The following OSGIN2 variants were observed in gnomAD, a reference collection of about 807,000 sequenced individuals.
OSGIN2 encodes oxidative stress-induced growth inhibitor 2.
Under a neutral mutation model 53.8 loss-of-function variants are expected in OSGIN2, and 19 were observed. The ratio of observed to expected loss-of-function variants is 0.35; its 90% CI spans 0.25 to 0.52. OSGIN2 has a LOEUF of 0.52. Ranked by LOEUF, OSGIN2 falls within the 20% of genes least tolerant of loss-of-function variation. The pLI, the probability that OSGIN2 is intolerant of heterozygous loss-of-function variation, is 0.95. For missense variants in OSGIN2, 520 were observed against 662.7 expected (o/e 0.78, Z 2.36); for synonymous variants, 236 against 236.0 (o/e 1.00, Z 0.00).
rs755041057 is a variant in OSGIN2, at chr8:89,909,632, A to G, written c.110A>G (p.Asn37Ser). The G allele has an allele frequency of 2.5e-6, 4 of 1,610,868 alleles. No individual in the cohort carries two copies. Among genetic ancestry groups the G allele is most frequent in the East Asian group, 2.2e-5 (1 of 44,772 alleles). ...TCCTTAGTGCAATACTTTGGTGACA[A>G]CTTGGGGCGAAAAGTTAAAGCGATG... Reference protein sequence around the residue: ...FNSLVQYFGDNLGRKVKAMPL... With the variant: ...FNSLVQYFGDSLGRKVKAMPL... Residue 37 changes from asparagine (N) to serine (S), a missense_variant, in exon 2 of 6, where the codon AAC becomes AGC. By Grantham distance (46) the Asn-to-Ser change is conservative. Transcript: ENST00000451899.
At position 89,922,927 on chromosome 8, in the gene OSGIN2, G is replaced by C. The variant is rs150353844; in HGVS notation, c.621-1576G>C. Reference sequence around the variant, plus strand: ...TACTATAGGCAGTTGTAACACAATTGTAAGTATTTTTGTATCTAAATATAC... The same window carrying C: ...TACTATAGGCAGTTGTAACACAATTCTAAGTATTTTTGTATCTAAATATAC... On this transcript the variant is annotated intron_variant, in intron 5 of 5. Coordinates refer to ENST00000451899, the MANE Select transcript of OSGIN2 (RefSeq NM_001126111.3). Among the ~76,000 whole-genome samples the C allele has an allele frequency of 1.6e-4, 25 of 152,184 alleles. 1 individual carries two copies. The highest frequency in any genetic ancestry group is 6.2e-4 in the South Asian group (3 of 4,826).
chr8:89,914,311 A>G (rs1809033551), intron 3 of OSGIN2, 98 bp downstream of exon 3: 19 of 795,404 alleles, frequency 2.4e-5, no homozygotes. Context: ...CCCTTATTCT[A>G]AATAACACCT....
rs1020826939 is a variant in OSGIN2, at chr8:89,914,098, G to A, written c.221G>A (p.Cys74Tyr). ...ATAGGAAATGGACCCTCAGGAATAT[G>A]CCTTTCTTATATGTTATCAGGCTAC... is the stretch of plus-strand genomic sequence containing the variant. ...VIIGNGPSGICLSYMLSGYRP... is the reference protein window; with the variant it reads ...VIIGNGPSGIYLSYMLSGYRP... Residue 74 changes from cysteine (C) to tyrosine (Y), a missense_variant, in exon 3 of 6, where the codon TGC (cysteine) becomes TAC (tyrosine). Cys to Tyr is a radical substitution (Grantham distance 194). Around this residue, in one of 3 missense-constraint regions of OSGIN2, gnomAD observed 203 missense variants for 275.3 expected, o/e 0.74. Coordinates refer to ENST00000451899, the MANE Select transcript of OSGIN2 (RefSeq NM_001126111.3). 6.2e-7 allele frequency: 1 copy of A among 1,611,118 alleles called. No homozygotes were observed. Among genetic ancestry groups the A allele is most frequent in the African/African-American group, 1.3e-5 (1 of 74,884 alleles).
At chr8:89,910,798 C>T (rs75668032) in intron 2 of OSGIN2, among the ~76,000 whole-genome samples, 10,777 of 152,294 alleles carry the variant, frequency 0.071, 488 homozygotes, top group Middle Eastern at 0.11. Flanking sequence ...CACTCCACTT[C>T]CCACAAAGCA....
At position 89,925,602 on chromosome 8, in the gene OSGIN2, C is replaced by T; in HGVS notation, c.*70C>T. ...TTTTTAATAGTGGTTTTGCAGTGTA[C>T]TGGCTTGAATTTTCTGGACTTGAGT... On this transcript the variant is annotated 3_prime_UTR_variant, in exon 6 of 6. Transcript: ENST00000451899. The T allele has an allele frequency of 8.1e-7, 1 of 1,241,566 alleles. No homozygotes were observed. The highest frequency in any genetic ancestry group is 1.1e-6 in the Non-Finnish European group (1 of 900,678). 76.9% of individuals were successfully genotyped at this position (1,241,566 alleles called of 1,614,324 possible).
Position 89,925,801 on chromosome 8 carries a change from CTT to C in OSGIN2, c.*270_*271del. 1 of 345,898 alleles carries C rather than the reference CTT, an allele frequency of 2.9e-6. No homozygotes were observed. The highest frequency in any genetic ancestry group is 5.3e-6 in the Non-Finnish European group (1 of 190,300). 21.4% of individuals were successfully genotyped at this position (345,898 alleles called of 1,614,324 possible). ...ACTAAAACATTCTTTTCTTGCAAAA[CTT>C]ATTTTTCATGATCATTTTTGGTTAT... On this transcript the variant is annotated 3_prime_UTR_variant, in exon 6 of 6. Coordinates refer to ENST00000451899, the MANE Select transcript of OSGIN2 (RefSeq NM_001126111.3).
intron 4 of OSGIN2, among the ~76,000 whole-genome samples, chr8:89,919,296 A>C (rs1809148344): frequency 6.6e-6 from 1 of 152,214 alleles, no homozygotes; most frequent in Admixed American, 6.5e-5. Context: ...GATTAGAATC[A>C]GCAATGGGAA....
intron 4 of OSGIN2, among the ~76,000 whole-genome samples, 200 bp from the exon 5 acceptor site, chr8:89,920,880 T>C (rs1809183462): frequency 6.6e-6 from 1 of 152,216 alleles, no homozygotes; most frequent in South Asian, 2.1e-4. Flanking sequence ...CGGGATAATA[T>C]CAAGTGATGA....
chr8:89,914,043 T>C, intron 2 of OSGIN2, 34 bp from the exon 3 acceptor site: 1 of 1,593,956 alleles, frequency 6.3e-7, no homozygotes. Context: ...TTAAGATGCA[T>C]GACCTACCCC....
chr8:89,921,209 T>C (rs1469665972), intron 5 of OSGIN2, 38 bp downstream of exon 5: 5 of 1,208,576 alleles, frequency 4.1e-6, no homozygotes, highest in Non-Finnish European at 6.0e-6. Flanking sequence ...TTGGTGTACG[T>C]TGAAAAAGAG....
At chr8:89,921,207 C>T (rs16901695) in intron 5 of OSGIN2, 36 bp downstream of exon 5, 39,664 of 1,236,832 alleles carry the variant, frequency 0.032, 1,683 homozygotes, top group East Asian at 0.18. Flanking sequence ...CTTTGGTGTA[C>T]GTTGAAAAAG....
At chr8:89,914,452 G>T (rs1809035964) in intron 3 of OSGIN2, 103 bp from the exon 4 acceptor site, 2 of 840,028 alleles carry the variant, frequency 2.4e-6, no homozygotes, top group East Asian at 2.5e-5. Flanking sequence ...GGTCAAGTTG[G>T]GGGTACTGCT....
intron 4 of OSGIN2, among the ~76,000 whole-genome samples, chr8:89,918,919 T>A (rs1322004713): frequency 6.6e-6 from 1 of 152,200 alleles, no homozygotes; most frequent in Admixed American, 6.5e-5. Flanking sequence ...TTCACCAGAA[T>A]TACTGCAAAC....
intron 4 of OSGIN2, 149 bp downstream of exon 4, chr8:89,914,895 T>C (rs1809044807): frequency 3.0e-6 from 2 of 658,508 alleles, no homozygotes; most frequent in Non-Finnish European, 5.1e-6. Flanking sequence ...GTTAGTTAAA[T>C]ATGGGTTTAT....
intron 1 of OSGIN2, among the ~76,000 whole-genome samples, chr8:89,908,722 A>C (rs1808889780): frequency 6.6e-6 from 1 of 152,180 alleles, no homozygotes; most frequent in African/African-American, 2.4e-5. Context: ...TTGCATGAAA[A>C]TGTGAGAATG....
Position 89,925,355 on chromosome 8 carries a change from TAC to T in OSGIN2, c.1475_1476del (p.Thr492IlefsTer4). ...GTAAGGGTAATCCTGTGGAAATAGA[TAC>T]ATATACCTATGAGTGTATTAAAGAA... ...TCKGNPVEID[T>X]YTYECIKEAN... is the part of the protein sequence containing the mutation. On this transcript the variant is annotated frameshift_variant, in exon 6 of 6. Coordinates refer to ENST00000451899, the MANE Select transcript of OSGIN2 (RefSeq NM_001126111.3). LOFTEE classifies it high-confidence loss of function. 1 of 1,614,156 alleles carries T rather than the reference TAC, an allele frequency of 6.2e-7. No homozygotes were observed. The highest frequency in any genetic ancestry group is 8.5e-7 in the Non-Finnish European group (1 of 1,179,992).
At chr8:89,921,369 G>C in intron 5 of OSGIN2, 198 bp downstream of exon 5, 1 of 438,184 alleles carries the variant, frequency 2.3e-6, no homozygotes, top group Non-Finnish European at 4.0e-6. Context: ...CAGAGCTAAG[G>C]GATTATTGCA....
chr8:89,903,216 A>G (rs1368058280), intron 1 of OSGIN2, among the ~76,000 whole-genome samples: 1 of 152,314 alleles, frequency 6.6e-6, no homozygotes, highest in African/African-American at 2.4e-5. Flanking sequence ...TAAATAATGT[A>G]ATGAGTGGAA....
At chr8:89,920,103 T>C (rs1384900256) in intron 4 of OSGIN2, among the ~76,000 whole-genome samples, 1 of 152,196 alleles carries the variant, frequency 6.6e-6, no homozygotes, top group Non-Finnish European at 1.5e-5. Context: ...AGGTTCCAAA[T>C]AATCTCTGAT....
Sources: allele counts gnomAD v4.1 joint callset (sites outside exome capture counted in the v4.1 genomes callset), GRCh38; gene constraint gnomAD v4.1.1; regional missense constraint gnomAD v4.1.1; transcripts MANE v1.5; gene names NCBI Gene and HGNC (gene_info 2026-07-23, HGNC 2026-07-21).